The following PRKCH variants were observed in gnomAD, a reference collection of about 807,000 sequenced individuals.
PRKCH encodes the protein protein kinase C eta type.
A neutral mutation model predicts 82.5 loss-of-function variants in PRKCH; 28 were observed. The ratio of observed to expected loss-of-function variants is 0.34; its 90% CI spans 0.25 to 0.47. The LOEUF is 0.47. Ranked by LOEUF, PRKCH falls within the 20% of genes least tolerant of loss-of-function variation. PRKCH has a pLI of 1.00. For synonymous variants in PRKCH, 322 were observed against 327.4 expected, an observed-to-expected ratio of 0.98 and a Z score of 0.18; for missense variants, 705 against 881.8, an observed-to-expected ratio of 0.80 and a Z score of 2.54.
intron 1 of PRKCH, among the ~76,000 whole-genome samples, chr14:61,387,205 A>G (rs1456180352): frequency 6.6e-6 from 1 of 152,238 alleles, no homozygotes; most frequent in Non-Finnish European, 1.5e-5. Context: ...GAACCAGTAG[A>G]TGCTGATACC....
intron 11 of PRKCH, 135 bp downstream of exon 11, chr14:61,529,348 C>CCTG: frequency 9.9e-7 from 1 of 1,014,914 alleles, no homozygotes; most frequent in Non-Finnish European, 1.4e-6. Flanking sequence ...CACCTCTAGA[C>CCTG]TCATTTATGG....
chr14:61,265,956 G>A (rs1022825143), intron 1 of PRKCH, among the ~76,000 whole-genome samples: 2 of 152,148 alleles, frequency 1.3e-5, no homozygotes, highest in African/African-American at 2.4e-5. Context: ...TTAGCCAAGC[G>A]TGGTGGCATG....
chr14:61,540,472 T>A (rs924531383), intron 12 of PRKCH, among the ~76,000 whole-genome samples: 7 of 152,232 alleles, frequency 4.6e-5, no homozygotes, highest in Admixed American at 1.3e-4. Context: ...TGAGTTCAAA[T>A]CCTGACTGTA....
At chr14:61,485,475 T>C (rs761712203) in intron 9 of PRKCH, 27 bp from the exon 10 acceptor site, 4 of 1,610,506 alleles carry the variant, frequency 2.5e-6, no homozygotes, top group Non-Finnish European at 3.4e-6. Flanking sequence ...TACACCACAT[T>C]GGGCCCTCTC....
chr14:61,213,347 A>G (rs1196938271), intron 1 of PRKCH, among the ~76,000 whole-genome samples: 1 of 152,178 alleles, frequency 6.6e-6, no homozygotes, highest in African/African-American at 2.4e-5. Flanking sequence ...TCATTAGGAA[A>G]TCTACATTCC....
chr14:61,427,708 G>A (rs1460284270), intron 2 of PRKCH, among the ~76,000 whole-genome samples: 1 of 151,924 alleles, frequency 6.6e-6, no homozygotes, highest in Non-Finnish European at 1.5e-5. Context: ...TGCCTCAGCT[G>A]CCCAAGTAGC....
chr14:61,393,341 ATAG>A (rs1236800904), intron 2 of PRKCH, among the ~76,000 whole-genome samples: 2 of 152,348 alleles, frequency 1.3e-5, no homozygotes, highest in East Asian at 3.9e-4. Flanking sequence ...TGTTGGATCT[ATAG>A]ATCAGTTTGA....
At chr14:61,397,933 A>G (rs901597570) in intron 2 of PRKCH, among the ~76,000 whole-genome samples, 1 of 152,192 alleles carries the variant, frequency 6.6e-6, no homozygotes, top group African/African-American at 2.4e-5. Flanking sequence ...AAACTCTTTT[A>G]CATTCATTGC....
chr14:61,452,897 G>T (rs949607873), intron 6 of PRKCH: 10 of 287,028 alleles, frequency 3.5e-5, no homozygotes, highest in Non-Finnish European at 5.9e-5. Flanking sequence ...TTGCCGCTAC[G>T]ATAAAGGTTT....
At chr14:61,417,031 G>A (rs1882595098) in intron 2 of PRKCH, among the ~76,000 whole-genome samples, 1 of 152,072 alleles carries the variant, frequency 6.6e-6, no homozygotes, top group Non-Finnish European at 1.5e-5. Flanking sequence ...AAAATTAGAG[G>A]GGACCTAGAC....
chr14:61,508,122 TC>T (rs1239933618), intron 10 of PRKCH, among the ~76,000 whole-genome samples: 3 of 152,136 alleles, frequency 2.0e-5, no homozygotes, highest in African/African-American at 7.2e-5. Flanking sequence ...TTAAAAATCC[TC>T]TTCCCTTTGG....
chr14:61,440,871 C>G (rs775978719), intron 2 of PRKCH, among the ~76,000 whole-genome samples: 19 of 150,262 alleles, frequency 1.3e-4, no homozygotes, highest in Non-Finnish European at 4.4e-5. Context: ...AAACTCTATC[C>G]AAAAATAAAA....
chr14:61,278,198 G>A, intron 1 of PRKCH: 1 of 152,132 alleles, frequency 6.6e-6, no homozygotes, highest in East Asian at 1.9e-4. Context: ...CAAAATAGAG[G>A]AGGGGTGGGC....
At chr14:61,547,308 C>A (rs145241133) in intron 12 of PRKCH, among the ~76,000 whole-genome samples, 281 of 152,254 alleles carry the variant, frequency 1.8e-3, no homozygotes, top group South Asian at 9.1e-3. Flanking sequence ...CGTCAGAGAG[C>A]AGGAATCCTG....
intron 1 of PRKCH, among the ~76,000 whole-genome samples, chr14:61,243,520 G>T (rs2140067897): frequency 6.6e-6 from 1 of 152,176 alleles, no homozygotes; most frequent in South Asian, 2.1e-4. Flanking sequence ...ACCAAGAGCA[G>T]GCCAGAGTAG....
chr14:61,364,012 G>GTATATATATATTTGTATATATATAATATA (rs1555379278), intron 1 of PRKCH, among the ~76,000 whole-genome samples: 63 of 146,018 alleles, frequency 4.3e-4, no homozygotes, highest in South Asian at 6.5e-4. Context: ...ATATTTGTGT[G>GTATATATATATTTGTATATATATAATATA]TATATATATA....
At chr14:61,386,581 G>C (rs1337239360) in intron 1 of PRKCH, among the ~76,000 whole-genome samples, 2 of 152,146 alleles carry the variant, frequency 1.3e-5, no homozygotes, top group Non-Finnish European at 2.9e-5. Context: ...AGGAGTGAGA[G>C]GAGGGCCAGG....
In PRKCH at chr14:61,321,806, T is replaced by G. The variant is rs1179265109; in HGVS notation, c.-296T>G. ...TGCCCGGCCCTGGAGAAGGGGCGAG[T>G]CCTGCGCGAGTCCCCGGGAGGCGCC... On this transcript the variant is annotated 5_prime_UTR_variant, in exon 1 of 14. Coordinates refer to ENST00000332981, the MANE Select transcript of PRKCH (RefSeq NM_006255.5). The surrounding 1 kb of genome is among the most constrained non-coding windows in gnomAD (Gnocchi z 4.1). 4 of 291,890 alleles carry G rather than the reference T, an allele frequency of 1.4e-5. No individual in the cohort carries two copies. Among genetic ancestry groups the G allele is most frequent in the South Asian group, 4.6e-5 (1 of 21,752 alleles). The allele number at this position is 291,890 out of a possible 1,614,324, so 18.1% of individuals were successfully genotyped here. A position where few individuals can be genotyped will look rare whatever the true frequency, so the allele number is the denominator to read the frequency against.
intron 1 of PRKCH, among the ~76,000 whole-genome samples, chr14:61,347,188 G>A (rs1158157765): frequency 1.3e-5 from 2 of 152,208 alleles, no homozygotes; most frequent in East Asian, 3.9e-4. Flanking sequence ...TATTTAAGGT[G>A]GTTTGGTTTG....
Sources: gnomAD v4.1 joint callset for allele counts (sites outside exome capture counted in the v4.1 genomes callset) on GRCh38, gnomAD v4.1.1 for gene constraint, Gnocchi (gnomAD v3.1) non-coding constraint, MANE v1.5 for transcripts, NCBI Gene and HGNC (gene_info 2026-07-23, HGNC 2026-07-21) for gene names.